DACH2: variants seen among roughly 807,000 people sequenced by gnomAD.
DACH2 encodes dachshund family transcription factor 2.
In DACH2, 17 loss-of-function variants were observed where a neutral mutation model predicts 35.8. That is an observed-to-expected ratio of 0.48 (90% CI 0.33 to 0.71). The LOEUF (loss-of-function observed/expected upper bound fraction) is 0.71, where lower values mean the gene tolerates loss of function less well. Ranked by LOEUF, DACH2 falls within the 30% of genes least tolerant of loss-of-function variation. The probability of loss-of-function intolerance (pLI) is 0.02; values close to 1 mark genes in which losing one functional copy is unlikely to be tolerated. For missense variants in DACH2, 469 were observed against 472.7 expected (o/e 0.99, Z 0.07); for synonymous variants, 195 against 177.3 (o/e 1.10, Z -0.79).
intron 3 of DACH2, among the ~76,000 whole-genome samples, chrX:86,565,875 A>C (rs1480809307): frequency 9.0e-6 from 1 of 111,667 alleles, no homozygotes; most frequent in Non-Finnish European, 1.9e-5. Context: ...TGTTTGTATG[A>C]TTGCTGATAT....
At chrX:86,301,619 G>T (rs1045509802) in intron 1 of DACH2, among the ~76,000 whole-genome samples, 1 of 111,367 alleles carries the variant, frequency 9.0e-6, no homozygotes, top group Non-Finnish European at 1.9e-5. Flanking sequence ...GATGTTTGGA[G>T]GTTAACTTAG....
At chrX:86,437,879 T>C (rs1382101637) in intron 2 of DACH2, among the ~76,000 whole-genome samples, 1 of 110,230 alleles carries the variant, frequency 9.1e-6, no homozygotes, top group African/African-American at 3.3e-5. Flanking sequence ...TTTATTTGTG[T>C]TTTTTAAACT....
intron 2 of DACH2, among the ~76,000 whole-genome samples, chrX:86,377,955 A>C (rs970274917): frequency 5.4e-4 from 60 of 110,639 alleles, no homozygotes; most frequent in African/African-American, 1.8e-3. Context: ...TTAGACAATG[A>C]TATCAATGCT....
At chrX:86,789,548 TTTAA>T (rs748137764) in intron 7 of DACH2, among the ~76,000 whole-genome samples, 129 of 111,952 alleles carry the variant, frequency 1.2e-3, no homozygotes, top group Non-Finnish European at 2.1e-3. Flanking sequence ...ATCCCTGTCT[TTTAA>T]TTATTTTCAG....
intron 2 of DACH2, among the ~76,000 whole-genome samples, chrX:86,399,745 G>A (rs773979243): frequency 3.8e-4 from 43 of 112,205 alleles, no homozygotes; most frequent in African/African-American, 1.3e-3. Context: ...TCTGCTGAGA[G>A]ATCAGCTGTT....
At chrX:86,406,140 A>G (rs1428871348) in intron 2 of DACH2, among the ~76,000 whole-genome samples, 1 of 111,740 alleles carries the variant, frequency 8.9e-6, no homozygotes, top group Non-Finnish European at 1.9e-5. Flanking sequence ...GAATTAATCT[A>G]CATGCCTATC....
intron 3 of DACH2, among the ~76,000 whole-genome samples, chrX:86,539,819 T>C (rs910043904): frequency 6.3e-5 from 7 of 111,586 alleles, no homozygotes; most frequent in Non-Finnish European, 9.4e-5. Context: ...CAACTTAGCA[T>C]AGTGTCTGGC....
intron 2 of DACH2, among the ~76,000 whole-genome samples, chrX:86,396,207 T>C (rs1236293728): frequency 9.0e-6 from 1 of 110,829 alleles, no homozygotes; most frequent in East Asian, 2.8e-4. Context: ...TGTCTGTTCA[T>C]GTCCTTCGCC....
chrX:86,509,152 G>C (rs1192745673), intron 2 of DACH2, among the ~76,000 whole-genome samples: 3 of 111,242 alleles, frequency 2.7e-5, no homozygotes, highest in Non-Finnish European at 3.8e-5. Context: ...GATGCTCTTA[G>C]TATATCTACG....
intron 3 of DACH2, among the ~76,000 whole-genome samples, chrX:86,650,117 A>T (rs1446134048): frequency 9.0e-6 from 1 of 110,768 alleles, no homozygotes; most frequent in Non-Finnish European, 1.9e-5. Flanking sequence ...TTGCTGTCTG[A>T]TATAGACTTC....
chrX:86,712,400 G>A (rs1186114535), intron 5 of DACH2, among the ~76,000 whole-genome samples: 1 of 111,328 alleles, frequency 9.0e-6, no homozygotes, highest in Non-Finnish European at 1.9e-5. Flanking sequence ...AGATTGTACA[G>A]CATTTGTCTT....
chrX:86,787,121 G>A (rs2042144653), intron 7 of DACH2, among the ~76,000 whole-genome samples: 1 of 111,574 alleles, frequency 9.0e-6, no homozygotes, highest in South Asian at 3.7e-4. Flanking sequence ...TTACTCTTGG[G>A]TATGTCTTTA....
intron 1 of DACH2, among the ~76,000 whole-genome samples, chrX:86,343,144 T>C (rs776722581): frequency 3.6e-5 from 4 of 111,862 alleles, no homozygotes. Flanking sequence ...GTCTTGAATT[T>C]AATCTATAAT....
At chrX:86,185,801 C>T (rs1345082945) in intron 1 of DACH2, among the ~76,000 whole-genome samples, 1 of 111,856 alleles carries the variant, frequency 8.9e-6, no homozygotes, top group Non-Finnish European at 1.9e-5. Context: ...GTATTCGTTA[C>T]TGTGTCTATA....
intron 4 of DACH2, among the ~76,000 whole-genome samples, chrX:86,679,037 ATCC>A (rs2040850741): frequency 1.8e-5 from 2 of 111,406 alleles, no homozygotes; most frequent in South Asian, 7.5e-4. Flanking sequence ...ATCTTCCACC[ATCC>A]TCCCTGTCCT....
chrX:86,151,604 T>G (rs1185693578), intron 1 of DACH2, among the ~76,000 whole-genome samples: 1 of 110,980 alleles, frequency 9.0e-6, no homozygotes, highest in East Asian at 2.8e-4. Context: ...ATCAACAAAT[T>G]TTGCTGATTC....
intron 1 of DACH2, among the ~76,000 whole-genome samples, chrX:86,343,218 G>C (rs1401592945): frequency 9.0e-6 from 1 of 111,643 alleles, no homozygotes; most frequent in Non-Finnish European, 1.9e-5. Context: ...ATCAACAAAA[G>C]TATATATCAA....
chrX:86,384,240 A>G (rs2036090815), intron 2 of DACH2, among the ~76,000 whole-genome samples: 1 of 111,171 alleles, frequency 9.0e-6, no homozygotes, highest in Non-Finnish European at 1.9e-5. Context: ...TGCAATGGGG[A>G]ACATATCATT....
At chrX:86,442,354 T>TG (rs1317241839) in intron 2 of DACH2, among the ~76,000 whole-genome samples, 137 of 76,801 alleles carry the variant, frequency 1.8e-3, no homozygotes, top group African/African-American at 5.9e-3. Context: ...TAAGTAGTAT[T>TG]TTGTGTGTGT....
Sources: allele counts gnomAD v4.1 joint callset (sites outside exome capture counted in the v4.1 genomes callset), GRCh38; gene constraint gnomAD v4.1.1; transcripts MANE v1.5; gene names NCBI Gene and HGNC (gene_info 2026-07-23, HGNC 2026-07-21).